SMARCA4: variants seen among roughly 807,000 people sequenced by gnomAD.
The protein encoded by SMARCA4 is SWI/SNF related BAF chromatin remodeling complex subunit ATPase 4.
SMARCA4 carries 31 observed loss-of-function variants against 193.9 expected under a neutral mutation model. The ratio of observed to expected loss-of-function variants is 0.16; its 90% confidence interval spans 0.12 to 0.22. The LOEUF (loss-of-function observed/expected upper bound fraction) is 0.22. Ranked by LOEUF, SMARCA4 falls within the 10% of genes least tolerant of loss-of-function variation. The pLI, the probability that SMARCA4 is intolerant of heterozygous loss-of-function variation, is 1.00. For synonymous variants in SMARCA4, 942 were observed against 933.1 expected (o/e 1.01, Z -0.17); for missense variants, 1,148 against 2,296.0 (o/e 0.50, Z 10.22).
intron 13 of SMARCA4, among the ~76,000 whole-genome samples, chr19:11,004,043 G>C (rs1191433082): frequency 6.6e-6 from 1 of 151,258 alleles, no homozygotes; most frequent in Non-Finnish European, 1.5e-5. Flanking sequence ...TTGAAATGGA[G>C]ACTTGCTGTG....
At chr19:10,971,605 T>C (rs763376905) in intron 1 of SMARCA4, among the ~76,000 whole-genome samples, 4 of 151,782 alleles carry the variant, frequency 2.6e-5, no homozygotes, top group Non-Finnish European at 4.4e-5. Context: ...GCTTCCCAAG[T>C]AGCTGGGACT....
chr19:11,051,380 C>T (rs2076249298), intron 30 of SMARCA4, among the ~76,000 whole-genome samples: 1 of 152,192 alleles, frequency 6.6e-6, no homozygotes, highest in African/African-American at 2.4e-5. Flanking sequence ...GCCTTTCCCT[C>T]CTGCCCTGGC....
In SMARCA4 at chr19:10,984,025, T is replaced by G; in HGVS notation, c.-31-96T>G. The G allele has an allele frequency of 9.0e-6, 8 of 885,912 alleles. No individual in the cohort carries two copies. The highest frequency in any genetic ancestry group is 2.6e-5 in the East Asian group (1 of 38,910). 54.9% of individuals were successfully genotyped at this position (885,912 alleles called of 1,614,324 possible). On this transcript the variant is annotated intron_variant, in intron 1 of 34. Transcript: ENST00000344626. The surrounding 1 kb of genome is among the most constrained non-coding windows in gnomAD (Gnocchi z 4.3). ...GGGAAGGTACTGGCTTCCTGTGGGA[T>G]GTAGATTCTGATGTGACCGTATGAT... is the stretch of plus-strand genomic sequence containing the variant.
intron 7 of SMARCA4, 24 bp from the exon 8 acceptor site, chr19:10,991,126 G>A (rs1470252814): frequency 6.2e-7 from 1 of 1,612,824 alleles, no homozygotes; most frequent in African/African-American, 1.3e-5. Context: ...GCAGTGCGCG[G>A]GCTTGTCCTC....
chr19:11,010,340 G>A (rs2088701298), intron 14 of SMARCA4, 41 bp from the exon 15 acceptor site: 8 of 1,609,764 alleles, frequency 5.0e-6, no homozygotes, highest in South Asian at 1.1e-5. Context: ...GTCACAGATA[G>A]GAATGTGTGT....
In SMARCA4 at chr19:11,051,281, G is replaced by A. The variant is rs535706235; in HGVS notation, c.4425-6974G>A. 1.4e-4 allele frequency among the ~76,000 whole-genome samples: 21 copies of A among 152,272 alleles called. 1 individual carries two copies. Among genetic ancestry groups the A allele is most frequent in the South Asian group, 1.2e-3 (6 of 4,826 alleles). Reference sequence around the variant, plus strand: ...GAATGAGTCTGAAAACTAGAATGGCGTGTTTAAGGAAAGCTTAGGACAGGA... The same window carrying A: ...GAATGAGTCTGAAAACTAGAATGGCATGTTTAAGGAAAGCTTAGGACAGGA... On this transcript the variant is annotated intron_variant, in intron 30 of 34. Transcript: ENST00000344626.
chr19:11,022,022 T>C, intron 19 of SMARCA4, 55 bp downstream of exon 19: 1 of 1,609,716 alleles, frequency 6.2e-7, no homozygotes, highest in Non-Finnish European at 8.5e-7. Flanking sequence ...CTGGCTTTGC[T>C]GGTTGGAACG....
chr19:11,050,091 C>T (rs112109129), intron 30 of SMARCA4, among the ~76,000 whole-genome samples: 288 of 152,034 alleles, frequency 1.9e-3, no homozygotes, highest in Non-Finnish European at 3.1e-3. Context: ...AGTGAGACTA[C>T]GTCTCAAAAA....
intron 29 of SMARCA4, among the ~76,000 whole-genome samples, chr19:11,037,949 T>C (rs527288594): frequency 6.6e-6 from 1 of 152,356 alleles, no homozygotes; most frequent in South Asian, 2.1e-4. Flanking sequence ...AAAAATATTA[T>C]ACAAAACACT....
At chr19:11,050,771 C>T (rs914677083) in intron 30 of SMARCA4, among the ~76,000 whole-genome samples, 3 of 152,272 alleles carry the variant, frequency 2.0e-5, no homozygotes, top group Admixed American at 1.3e-4. Flanking sequence ...TGTCACACTC[C>T]TTCAAGCCCC....
chr19:10,986,844 GC>G lies in SMARCA4; in HGVS notation c.761-60del. The G allele has an allele frequency of 7.0e-7, 1 of 1,434,340 alleles. No homozygotes were observed. The highest frequency in any genetic ancestry group is 1.1e-5 in the South Asian group (1 of 87,610). 88.9% of individuals were successfully genotyped at this position (1,434,340 alleles called of 1,614,324 possible). A position where few individuals can be genotyped will look rare whatever the true frequency, so the allele number is the denominator to read the frequency against. ...CCCTGGAGCCAGGGCTGCCCACGGGGCTGGGCGCAGGCATAAACCTGGGACG... is the reference window on the plus strand; with the variant it reads ...CCCTGGAGCCAGGGCTGCCCACGGGGTGGGCGCAGGCATAAACCTGGGACG... On this transcript the variant is annotated intron_variant, in intron 4 of 34. Transcript: ENST00000344626. This position sits in a 1 kb window ranked among gnomAD's most constrained non-coding sequence, Gnocchi z 6.7.
At position 10,987,115 on chromosome 19, in the gene SMARCA4, C is replaced by G; in HGVS notation, c.859+112C>G. On this transcript the variant is annotated intron_variant, in intron 5 of 34. Transcript: ENST00000344626. This position sits in a 1 kb window ranked among gnomAD's most constrained non-coding sequence, Gnocchi z 5.3. Reference sequence around the variant, plus strand: ...AAGGGCCGAGGGTGGTCAGGCTGAACTGCAGCCTGTACTTTTCTTGTGGTG... The same window carrying G: ...AAGGGCCGAGGGTGGTCAGGCTGAAGTGCAGCCTGTACTTTTCTTGTGGTG... The G allele has an allele frequency of 1.3e-6, 1 of 772,160 alleles. No homozygotes were observed. Among genetic ancestry groups the G allele is most frequent in the Non-Finnish European group, 2.2e-6 (1 of 449,900 alleles). The allele number at this position is 772,160 out of a possible 1,614,324, so 47.8% of individuals were successfully genotyped here.
chr19:10,962,800 C>T (rs927777563), intron 1 of SMARCA4, among the ~76,000 whole-genome samples: 3 of 151,170 alleles, frequency 2.0e-5, no homozygotes, highest in Non-Finnish European at 4.4e-5. Flanking sequence ...ACCTCGGCCT[C>T]CCAAAGTGCT....
At chr19:10,988,202 C>G (rs2086239281) in intron 6 of SMARCA4, among the ~76,000 whole-genome samples, 1 of 152,066 alleles carries the variant, frequency 6.6e-6, no homozygotes, top group African/African-American at 2.4e-5. Context: ...TTCACTGCAA[C>G]CTGCATCTCC....
chr19:11,059,579 T>C (rs1352905815), intron 32 of SMARCA4, among the ~76,000 whole-genome samples, 174 bp from the exon 33 acceptor site: 1 of 152,216 alleles, frequency 6.6e-6, no homozygotes, highest in African/African-American at 2.4e-5. Flanking sequence ...AGGAAGATTA[T>C]GGAGAGGGCC....
intron 1 of SMARCA4, among the ~76,000 whole-genome samples, chr19:10,982,880 A>C (rs1369351128): frequency 6.6e-6 from 1 of 152,182 alleles, no homozygotes; most frequent in East Asian, 1.9e-4. Context: ...TAGAACCAGA[A>C]ATATGCCGGA....
intron 23 of SMARCA4, among the ~76,000 whole-genome samples, chr19:11,026,888 ACTCTGCCGCCTCCAAG>A (rs2090304215): frequency 6.6e-6 from 1 of 152,012 alleles, no homozygotes; most frequent in African/African-American, 2.4e-5. Context: ...TACAGATCCC[ACTCTGCCGCCTCCAAG>A]CTCTGTGACT....
chr19:11,013,449 G>A (rs1267203234), intron 16 of SMARCA4, among the ~76,000 whole-genome samples: 1 of 152,170 alleles, frequency 6.6e-6, no homozygotes, highest in Non-Finnish European at 1.5e-5. Context: ...CATTGCCTCT[G>A]TATTGGCCCT....
Position 11,003,252 on chromosome 19 carries a change from C to G in SMARCA4, c.1944-88C>G, listed in dbSNP as rs1568455910. On this transcript the variant is annotated intron_variant, in intron 12 of 34. Transcript: ENST00000344626. ...GTGGCAGCCAGGAGCAATTTTACTT[C>G]TGTTTGAATTCCCGGCAGGTTTGGT... 5 of 1,604,690 alleles carry G rather than the reference C, an allele frequency of 3.1e-6. No individual in the cohort carries two copies. The Middle Eastern group carries it at 6.6e-4, about 211-fold the overall frequency.
Sources: gnomAD v4.1 joint callset for allele counts (sites outside exome capture counted in the v4.1 genomes callset) on GRCh38, gnomAD v4.1.1 for gene constraint, Gnocchi (gnomAD v3.1) non-coding constraint, MANE v1.5 for transcripts, NCBI Gene and HGNC (gene_info 2026-07-23, HGNC 2026-07-21) for gene names.